Variants in RIMS2 observed in about 807,000 individuals in gnomAD.
RIMS2 encodes the protein regulating synaptic membrane exocytosis 2, also known as regulating synaptic membrane exocytosis protein 2.
Under a neutral mutation model 174.4 loss-of-function variants are expected in RIMS2, and 59 were observed. That is an observed-to-expected ratio of 0.34 (90% confidence interval 0.27 to 0.42). The LOEUF (loss-of-function observed/expected upper bound fraction) is 0.42. Among genes scored for constraint, RIMS2 ranks in the 10% least tolerant of loss-of-function variants. The pLI is 1.00. For synonymous variants in RIMS2, 606 were observed against 572.5 expected (o/e 1.06, Z -0.84); for missense variants, 1,620 against 1,666.3 (o/e 0.97, Z 0.48).
In RIMS2 at chr8:104,246,342, A is replaced by AT. The variant is rs879292823; in HGVS notation, c.3476+1293dup. On this transcript the variant is annotated intron_variant, in intron 20 of 23. Transcript: ENST00000504942. ...CTTTTCTTTTCTTTCTTTCCTTTTTATTTTTTTTGTTTGTTTTCTTTTCTT... is the reference window on the plus strand; with the variant it reads ...CTTTTCTTTTCTTTCTTTCCTTTTTATTTTTTTTTGTTTGTTTTCTTTTCTT... Among the ~76,000 whole-genome samples, 288 of 150,940 alleles carry AT rather than the reference A, an allele frequency of 1.9e-3. 2 individuals carry two copies. Among genetic ancestry groups the AT allele is most frequent in the African/African-American group, 6.4e-3 (261 of 41,054 alleles).
At chr8:103,990,771 A>G (rs1188466118) in intron 17 of RIMS2, among the ~76,000 whole-genome samples, 2 of 152,034 alleles carry the variant, frequency 1.3e-5, no homozygotes, top group Admixed American at 6.6e-5. Flanking sequence ...GATGAGAGAG[A>G]AAATTCTGAA....
chr8:104,246,504 C>T (rs991685835), intron 20 of RIMS2, among the ~76,000 whole-genome samples: 4 of 152,084 alleles, frequency 2.6e-5, no homozygotes, highest in African/African-American at 4.8e-5. Flanking sequence ...TTTACACTCT[C>T]ATAGAGAAGA....
chr8:104,147,903 A>T (rs2098655586), intron 19 of RIMS2, among the ~76,000 whole-genome samples: 1 of 152,210 alleles, frequency 6.6e-6, no homozygotes, highest in South Asian at 2.1e-4. Context: ...TCAGTGATTC[A>T]TCGATTGCTT....
chr8:104,027,042 CAT>C (rs2096271636), intron 19 of RIMS2, among the ~76,000 whole-genome samples: 1 of 152,072 alleles, frequency 6.6e-6, no homozygotes, highest in African/African-American at 2.4e-5. Flanking sequence ...AGGGATTTAT[CAT>C]ATGTTTTTGA....
chr8:104,201,377 T>A (rs2099053852), intron 19 of RIMS2, among the ~76,000 whole-genome samples: 1 of 152,214 alleles, frequency 6.6e-6, no homozygotes, highest in African/African-American at 2.4e-5. Context: ...CAAAAAATTC[T>A]AAAAAGATTC....
chr8:103,782,901 C>G lies in RIMS2; in HGVS notation c.698+16364C>G, dbSNP rs946688749. Among the ~76,000 whole-genome samples the G allele has an allele frequency of 3.3e-5, 5 of 152,054 alleles. 1 individual carries two copies. The highest frequency in any genetic ancestry group is 4.8e-5 in the African/African-American group (2 of 41,382). Reference sequence around the variant, plus strand: ...AGAAAATAACTCTTTGTGGAATGGACTGTATGTTAGTTTTCTATATCTGTA... The same window carrying G: ...AGAAAATAACTCTTTGTGGAATGGAGTGTATGTTAGTTTTCTATATCTGTA... On this transcript the variant is annotated intron_variant, in intron 3 of 23. Coordinates refer to ENST00000504942, the Ensembl canonical transcript of RIMS2.
At chr8:104,245,480 A>C (rs1213521253) in intron 20 of RIMS2, among the ~76,000 whole-genome samples, 3 of 152,240 alleles carry the variant, frequency 2.0e-5, no homozygotes, top group Non-Finnish European at 4.4e-5. Context: ...TCCATGTTGC[A>C]ACAAACAACT....
intron 19 of RIMS2, among the ~76,000 whole-genome samples, chr8:104,194,578 A>G (rs1050592800): frequency 7.2e-5 from 11 of 152,208 alleles, no homozygotes; most frequent in Non-Finnish European, 1.3e-4. Context: ...TCAGTCACTC[A>G]TTAGCAAAAA....
chr8:104,097,862 C>T (rs1302058221), intron 19 of RIMS2, among the ~76,000 whole-genome samples: 1 of 152,032 alleles, frequency 6.6e-6, no homozygotes, highest in Non-Finnish European at 1.5e-5. Flanking sequence ...ATGGCCATTA[C>T]TTTTAATGCC....
intron 3 of RIMS2, among the ~76,000 whole-genome samples, chr8:103,857,485 A>AT (rs760284792): frequency 1.8e-4 from 27 of 152,032 alleles, no homozygotes; most frequent in Non-Finnish European, 3.7e-4. Context: ...TCGTTTATCA[A>AT]TTTTTTGGAG....
chr8:104,081,798 T>C (rs1381372565), intron 19 of RIMS2, among the ~76,000 whole-genome samples: 2 of 152,092 alleles, frequency 1.3e-5, no homozygotes, highest in Non-Finnish European at 2.9e-5. Context: ...ATCTTTTAGC[T>C]TTAAAATATG....
intron 2 of RIMS2, among the ~76,000 whole-genome samples, chr8:103,741,213 G>A (rs956625636): frequency 6.6e-6 from 1 of 151,922 alleles, no homozygotes. Flanking sequence ...TTTCAAAATT[G>A]TTCATAAATC....
intron 17 of RIMS2, among the ~76,000 whole-genome samples, chr8:103,996,314 G>A (rs1170589813): frequency 1.3e-5 from 2 of 151,762 alleles, no homozygotes; most frequent in African/African-American, 4.8e-5. Context: ...AATAGAGTTT[G>A]AAAACCACTG....
At chr8:103,515,925 TC>T (rs1828747937) in intron 1 of RIMS2, among the ~76,000 whole-genome samples, 1 of 152,136 alleles carries the variant, frequency 6.6e-6, no homozygotes, top group Non-Finnish European at 1.5e-5. Flanking sequence ...GACTATAGAT[TC>T]ATTAATCTGC....
At position 103,983,187 on chromosome 8, in the gene RIMS2, A is replaced by G. The variant is rs1301281971; in HGVS notation, c.2928-6118A>G. 4.6e-5 allele frequency among the ~76,000 whole-genome samples: 7 copies of G among 152,342 alleles called. No homozygotes were observed. The East Asian group carries it at 1.3e-3, about 29-fold the overall frequency. ...TAAATACCTAGAAATTGACTTAACC[A>G]AAGAAATGAAAGATCTCTACAATGA... On this transcript the variant is annotated intron_variant, in intron 16 of 23. Coordinates refer to ENST00000504942, the Ensembl canonical transcript of RIMS2.
intron 15 of RIMS2, among the ~76,000 whole-genome samples, chr8:103,971,648 T>G (rs1464023903): frequency 6.6e-6 from 1 of 152,010 alleles, no homozygotes; most frequent in Non-Finnish European, 1.5e-5. Context: ...CTCAGCTCAC[T>G]GCAACCTCCA....
intron 2 of RIMS2, among the ~76,000 whole-genome samples, chr8:103,707,033 T>G (rs896659859): frequency 1.3e-5 from 2 of 152,206 alleles, no homozygotes; most frequent in Non-Finnish European, 2.9e-5. Context: ...TTCGAGTTAC[T>G]GATTCTTCTC....
At chr8:103,660,120 G>A (rs1437728040) in intron 1 of RIMS2, among the ~76,000 whole-genome samples, 3 of 152,204 alleles carry the variant, frequency 2.0e-5, no homozygotes, top group Non-Finnish European at 4.4e-5. Flanking sequence ...GCTCTCTGAA[G>A]AGCAGGTCTT....
In RIMS2 at chr8:103,523,178, T is replaced by C. The variant is rs1354330737; in HGVS notation, c.176+22116T>C. Among the ~76,000 whole-genome samples the C allele has an allele frequency of 2.6e-5, 4 of 151,438 alleles. No individual in the cohort carries two copies. The East Asian group carries it at 5.8e-4, about 22-fold the overall frequency. On this transcript the variant is annotated intron_variant, in intron 1 of 23. Transcript: ENST00000504942. ...GAGAGAGAAAAATGGGAGAAGCACA[T>C]GGGAGATTATTTACTCTTTACATAG...
Sources: allele counts gnomAD v4.1 joint callset (sites outside exome capture counted in the v4.1 genomes callset), GRCh38; gene constraint gnomAD v4.1.1; transcripts MANE v1.5; gene names NCBI Gene and HGNC (gene_info 2026-07-23, HGNC 2026-07-21).